THSD7B: variants seen among roughly 807,000 people sequenced by gnomAD.
THSD7B encodes thrombospondin type-1 domain-containing protein 7B.
Under a neutral mutation model 213.6 loss-of-function variants are expected in THSD7B, and 138 were observed. That is an observed-to-expected ratio of 0.65 (90% CI 0.56 to 0.74). THSD7B has a LOEUF of 0.74. Ranked by LOEUF, THSD7B falls within the 30% of genes least tolerant of loss-of-function variation. THSD7B has a pLI of 0.00. For missense variants in THSD7B, 1,931 were observed against 1,991.5 expected (o/e 0.97, Z 0.58); for synonymous variants, 742 against 687.0 (o/e 1.08, Z -1.25).
chr2:137,334,168 C>A (rs1197849140), intron 12 of THSD7B, among the ~76,000 whole-genome samples: 2 of 54,098 alleles, frequency 3.7e-5, no homozygotes, highest in Non-Finnish European at 4.9e-5. Context: ...TTCTTTCTCT[C>A]TTTCTCTCTC....
intron 27 of THSD7B, among the ~76,000 whole-genome samples, chr2:137,670,203 C>T (rs111627145): frequency 3.8e-4 from 58 of 151,990 alleles, no homozygotes; most frequent in African/African-American, 1.3e-3. Flanking sequence ...ATATTTGGAC[C>T]GGCTCCCATC....
intron 1 of THSD7B, among the ~76,000 whole-genome samples, chr2:136,863,826 G>A (rs528027701): frequency 6.6e-6 from 1 of 152,262 alleles, no homozygotes; most frequent in Admixed American, 6.5e-5. Flanking sequence ...CCTCTTACAA[G>A]GGACAAATCA....
At chr2:137,302,943 G>A (rs7561663) in intron 12 of THSD7B, among the ~76,000 whole-genome samples, 46,087 of 151,952 alleles carry the variant, frequency 0.3, 7,152 homozygotes, top group South Asian at 0.45. Context: ...AAAGTAACTC[G>A]GTATGTAGTT....
At chr2:137,132,860 A>T (rs1225529585) in intron 5 of THSD7B, among the ~76,000 whole-genome samples, 1 of 152,200 alleles carries the variant, frequency 6.6e-6, no homozygotes, top group Non-Finnish European at 1.5e-5. Context: ...CATTTCTCCC[A>T]GTTCTGTGCT....
At chr2:137,485,940 A>T (rs1688430425) in intron 15 of THSD7B, among the ~76,000 whole-genome samples, 1 of 152,130 alleles carries the variant, frequency 6.6e-6, no homozygotes, top group Admixed American at 6.5e-5. Context: ...CAGACAAGCA[A>T]ATGCTGAGAG....
chr2:137,212,877 G>A (rs1317284091), intron 7 of THSD7B, among the ~76,000 whole-genome samples: 2 of 151,982 alleles, frequency 1.3e-5, no homozygotes, highest in African/African-American at 2.4e-5. Flanking sequence ...TAAAATTATG[G>A]ATCAGGAATC....
chr2:137,244,088 G>T (rs1408977639), intron 10 of THSD7B, among the ~76,000 whole-genome samples: 1 of 152,154 alleles, frequency 6.6e-6, no homozygotes, highest in Non-Finnish European at 1.5e-5. Context: ...AGCAGGCAAG[G>T]ATAGAAAAGC....
intron 15 of THSD7B, among the ~76,000 whole-genome samples, chr2:137,531,950 A>G (rs1383641295): frequency 6.6e-6 from 1 of 151,990 alleles, no homozygotes; most frequent in East Asian, 1.9e-4. Flanking sequence ...TGGGGCTCAT[A>G]GCCAAATAGA....
chr2:137,192,393 C>A (rs1680675123), intron 7 of THSD7B, among the ~76,000 whole-genome samples: 1 of 152,198 alleles, frequency 6.6e-6, no homozygotes, highest in Non-Finnish European at 1.5e-5. Flanking sequence ...TATTCATGAT[C>A]AATCATGAAT....
intron 17 of THSD7B, among the ~76,000 whole-genome samples, chr2:137,589,012 T>G (rs2104811234): frequency 6.6e-6 from 1 of 152,234 alleles, no homozygotes; most frequent in South Asian, 2.1e-4. Flanking sequence ...ACTTCTGACC[T>G]CAGGTGATCT....
intron 10 of THSD7B, among the ~76,000 whole-genome samples, chr2:137,263,821 A>G (rs1048822961): frequency 2.0e-5 from 3 of 152,212 alleles, no homozygotes; most frequent in Non-Finnish European, 4.4e-5. Context: ...GGAAGTCTAT[A>G]AAACCTTCCT....
At chr2:137,590,162 C>G (rs1681832698) in intron 17 of THSD7B, among the ~76,000 whole-genome samples, 1 of 152,076 alleles carries the variant, frequency 6.6e-6, no homozygotes, top group Non-Finnish European at 1.5e-5. Context: ...TGTGCAAGTC[C>G]TGGGAAGAGC....
chr2:136,884,265 C>T (rs545671011), intron 2 of THSD7B, among the ~76,000 whole-genome samples: 2 of 152,310 alleles, frequency 1.3e-5, no homozygotes, highest in South Asian at 4.1e-4. Context: ...AGGACAGGAA[C>T]AAGGGATTGT....
intron 2 of THSD7B, among the ~76,000 whole-genome samples, chr2:136,903,561 A>G (rs1054927860): frequency 6.6e-5 from 10 of 152,088 alleles, no homozygotes; most frequent in Admixed American, 4.6e-4. Flanking sequence ...TATGGACAAG[A>G]TGGAGGTCTT....
chr2:137,048,864 TG>T (rs1687013999), intron 2 of THSD7B, among the ~76,000 whole-genome samples: 2 of 152,226 alleles, frequency 1.3e-5, no homozygotes, highest in African/African-American at 4.8e-5. Flanking sequence ...AACAGATATC[TG>T]GTCCTCTTGA....
chr2:137,595,346 A>G (rs1272590447), intron 17 of THSD7B, among the ~76,000 whole-genome samples: 2 of 151,988 alleles, frequency 1.3e-5, no homozygotes, highest in Non-Finnish European at 2.9e-5. Flanking sequence ...TCTCATTGGC[A>G]GTAATATGGG....
At chr2:137,229,193 T>C (rs1343802368) in intron 7 of THSD7B, among the ~76,000 whole-genome samples, 1 of 152,236 alleles carries the variant, frequency 6.6e-6, no homozygotes, top group East Asian at 1.9e-4. Flanking sequence ...AAATATCTTG[T>C]TCCTCAAAAG....
chr2:136,994,968 G>A (rs958596168), intron 2 of THSD7B, among the ~76,000 whole-genome samples: 58 of 152,320 alleles, frequency 3.8e-4, no homozygotes, highest in African/African-American at 1.3e-3. Context: ...GCTAAAGCAT[G>A]TGCTTTCATG....
intron 4 of THSD7B, among the ~76,000 whole-genome samples, chr2:137,110,875 A>G (rs1341478486): frequency 2.0e-5 from 3 of 152,200 alleles, no homozygotes; most frequent in Non-Finnish European, 2.9e-5. Context: ...TAGATACACA[A>G]ATACTTGCCA....
Sources: allele counts gnomAD v4.1 joint callset (sites outside exome capture counted in the v4.1 genomes callset), GRCh38; gene constraint gnomAD v4.1.1; transcripts MANE v1.5; gene names NCBI Gene and HGNC (gene_info 2026-07-23, HGNC 2026-07-21).